Variants in SLC36A2 observed in about 807,000 individuals in gnomAD.
The protein encoded by SLC36A2 is proton-coupled amino acid transporter 2.
A neutral mutation model predicts 42.7 loss-of-function variants in SLC36A2; 39 were observed. The observed-to-expected ratio is 0.91, with a 90% CI of 0.71 to 1.19. The LOEUF (loss-of-function observed/expected upper bound fraction) is 1.19. Ranked by LOEUF, SLC36A2 falls within the 50% of genes most tolerant of loss-of-function variation. The pLI is 0.00. For missense variants in SLC36A2, 590 were observed against 613.7 expected, an observed-to-expected ratio of 0.96 and a Z score of 0.41; for synonymous variants, 237 against 240.8, an observed-to-expected ratio of 0.98 and a Z score of 0.15.
chr5:151,343,027 C>G, intron 3 of SLC36A2, 44 bp from the exon 4 acceptor site: 1 of 1,490,224 alleles, frequency 6.7e-7, no homozygotes, highest in Non-Finnish European at 9.4e-7. Context: ...GATAGTTTAG[C>G]CTAAACTCAC....
intron 5 of SLC36A2, 132 bp downstream of exon 5, chr5:151,338,928 T>G: frequency 1.4e-6 from 1 of 718,802 alleles, no homozygotes; most frequent in Middle Eastern, 2.5e-4. Context: ...GGGAGGCAAG[T>G]TTGACAACAT....
rs749271934 is a variant in SLC36A2 at position 151,344,183 on chromosome 5, G to A, written c.249C>T (p.Gly83=). ...CATGTGGCGCCTCTCTTACCAGGATGCCCGCGTTCTTCACAGCGAGGGGTA... is the reference window on the plus strand; with the variant it reads ...CATGTGGCGCCTCTCTTACCAGGATACCCGCGTTCTTCACAGCGAGGGGTA... ...LGLPLAVKNA[G]ILMGPLSLLV... is the part of the protein sequence containing the mutation. The change falls in exon 2 of 10, where the codon GGC becomes GGT. Residue 83 remains glycine (G), a synonymous_variant. Coordinates refer to ENST00000335244, the MANE Select transcript of SLC36A2 (RefSeq NM_181776.3). 11 of 1,613,944 alleles carry A rather than the reference G, an allele frequency of 6.8e-6. No homozygotes were observed. The highest frequency in any genetic ancestry group is 2.2e-5 in the South Asian group (2 of 90,996).
At chr5:151,332,001 G>C (rs529284235) in intron 7 of SLC36A2, among the ~76,000 whole-genome samples, 1 of 151,952 alleles carries the variant, frequency 6.6e-6, no homozygotes, top group African/African-American at 2.4e-5. Flanking sequence ...TGAGTATCTG[G>C]GATTACAGGT....
At position 151,315,091 on chromosome 5, in the gene SLC36A2, T is replaced by G. The variant is rs1027594541; in HGVS notation, c.*1726A>C. 8 of 152,706 alleles carry G rather than the reference T, an allele frequency of 5.2e-5. No homozygotes were observed. Among genetic ancestry groups the G allele is most frequent in the African/African-American group, 1.9e-4 (8 of 41,452 alleles). The allele number at this position is 152,706 out of a possible 1,614,324, so 9.5% of individuals were successfully genotyped here. ...TGGATATAGTCTAGGATGGCTTTAC[T>G]CGTGTCTGGAAGTTGGTAGGCTGGT... On this transcript the variant is annotated 3_prime_UTR_variant, in exon 10 of 10. Coordinates refer to ENST00000335244, the MANE Select transcript of SLC36A2 (RefSeq NM_181776.3).
At position 151,347,504 on chromosome 5, in the gene SLC36A2, C is replaced by T. The variant is rs750896337; in HGVS notation, c.-44G>A. 6.2e-7 allele frequency: 1 copy of T among 1,609,702 alleles called. No individual in the cohort carries two copies. Among genetic ancestry groups the T allele is most frequent in the Admixed American group, 1.7e-5 (1 of 60,010 alleles). ...GAGCTCGGGGTGACAAAGAGGTCTG[C>T]TCTGGAAGGAGGGAAGCAGGAAGGT... On this transcript the variant is annotated 5_prime_UTR_variant, in exon 1 of 10. Coordinates refer to ENST00000335244, the MANE Select transcript of SLC36A2 (RefSeq NM_181776.3).
intron 2 of SLC36A2, among the ~76,000 whole-genome samples, chr5:151,343,945 T>C (rs1756421000): frequency 6.6e-6 from 1 of 152,084 alleles, no homozygotes; most frequent in Non-Finnish European, 1.5e-5. Context: ...ATCCTTGCAT[T>C]CTACAGGGGA....
chr5:151,347,278 G>A lies in SLC36A2; in HGVS notation c.164+19C>T. 6.2e-7 allele frequency: 1 copy of A among 1,613,976 alleles called. No homozygotes were observed. The highest frequency in any genetic ancestry group is 1.1e-5 in the South Asian group (1 of 91,042). ...CAGGCTAGAAAGCAGAAATAGGGAT[G>A]GCAGAAAACAGCACTCACGTTATGC... On this transcript the variant is annotated intron_variant, in intron 1 of 9. Coordinates refer to ENST00000335244, the MANE Select transcript of SLC36A2 (RefSeq NM_181776.3).
intron 8 of SLC36A2, among the ~76,000 whole-genome samples, chr5:151,324,507 TTATTAG>T (rs1755796257): frequency 6.6e-6 from 1 of 152,078 alleles, no homozygotes; most frequent in African/African-American, 2.4e-5. Flanking sequence ...TAATTTTGTA[TTATTAG>T]TAGAGACGAG....
At chr5:151,336,831 A>G (rs972306231) in intron 5 of SLC36A2, among the ~76,000 whole-genome samples, 2 of 152,142 alleles carry the variant, frequency 1.3e-5, no homozygotes, top group African/African-American at 2.4e-5. Flanking sequence ...ACGATTAGGA[A>G]CTAGAGTTCA....
intron 5 of SLC36A2, 45 bp downstream of exon 5, chr5:151,339,015 T>C: frequency 1.4e-6 from 2 of 1,399,182 alleles, no homozygotes; most frequent in South Asian, 1.2e-5. Flanking sequence ...CAGTGGCGTG[T>C]CCTTGTCCAT....
Position 151,316,886 on chromosome 5 carries a change from C to T in SLC36A2, c.1383G>A (p.Gln461=), listed in dbSNP as rs369907. The change falls in exon 10 of 10, where the codon CAG becomes CAA. Residue 461 remains glutamine (Q), a synonymous_variant. Transcript: ENST00000335244. Reference sequence around the variant, plus strand: ...CTGACTTGAGCAGCTCGTCCAGGGCCTGGTAGGTCCCCACCACAAAGCCCA... The same window carrying T: ...CTGACTTGAGCAGCTCGTCCAGGGCTTGGTAGGTCCCCACCACAAAGCCCA... ...GFVGFVVGTY[Q]ALDELLKSED... 0.56 allele frequency: 905,291 copies of T among 1,613,812 alleles called. 260,098 individuals carry two copies. Among genetic ancestry groups the T allele is most frequent in the East Asian group, 0.88 (39,595 of 44,880 alleles).
At chr5:151,335,879 T>A (rs907545222) in intron 5 of SLC36A2, among the ~76,000 whole-genome samples, 2 of 151,904 alleles carry the variant, frequency 1.3e-5, no homozygotes, top group Non-Finnish European at 2.9e-5. Flanking sequence ...AATACAAAAA[T>A]TAGCCAGGTG....
intron 7 of SLC36A2, chr5:151,332,385 A>G (rs1332639593): frequency 2.2e-6 from 1 of 455,524 alleles, no homozygotes; most frequent in East Asian, 6.9e-5. Flanking sequence ...CAACAAGCAA[A>G]TGAAAAGATG....
rs530044342 is a variant in SLC36A2 at position 151,341,986 on chromosome 5, T to C, written c.440+902A>G. On this transcript the variant is annotated intron_variant, in intron 4 of 9. Coordinates refer to ENST00000335244, the MANE Select transcript of SLC36A2 (RefSeq NM_181776.3). ...CTTGGTCCCAGCTACCATTGTGACCTGGCTGGGTACTGTTAATAGCCCCCT... is the reference window on the plus strand; with the variant it reads ...CTTGGTCCCAGCTACCATTGTGACCCGGCTGGGTACTGTTAATAGCCCCCT... Among the ~76,000 whole-genome samples, 4 of 152,350 alleles carry C rather than the reference T, an allele frequency of 2.6e-5. No homozygotes were observed. In the South Asian group the frequency reaches 8.3e-4, roughly 32 times the overall value.
At chr5:151,318,066 C>A (rs1278616248) in intron 9 of SLC36A2, among the ~76,000 whole-genome samples, 1 of 152,176 alleles carries the variant, frequency 6.6e-6, no homozygotes, top group Non-Finnish European at 1.5e-5. Context: ...TTTTCTGGCT[C>A]TAAACTTCCC....
At position 151,340,177 on chromosome 5, in the gene SLC36A2, G is replaced by GGAAGAAGAGGAAGAAGGAGGAGGAGGA. The variant is rs1561660867; in HGVS notation, c.441-1034_441-1033insTCCTCCTCCTCCTTCTTCCTCTTCTTC. ...GGAGGAGGAAGAAGAGGAAGGAGGA[G>GGAAGAAGAGGAAGAAGGAGGAGGAGGA]GAGGAGGAAGAGGTGGAGGAGGAGG... On this transcript the variant is annotated intron_variant, in intron 4 of 9. Coordinates refer to ENST00000335244, the MANE Select transcript of SLC36A2 (RefSeq NM_181776.3). Among the ~76,000 whole-genome samples, 491 of 109,010 alleles carry GGAAGAAGAGGAAGAAGGAGGAGGAGGA rather than the reference G, an allele frequency of 4.5e-3. 17 individuals are homozygous for GGAAGAAGAGGAAGAAGGAGGAGGAGGA. The highest frequency in any genetic ancestry group is 5.3e-3 in the Non-Finnish European group (326 of 61,222). 71.5% of individuals were successfully genotyped at this position (109,010 alleles called of 152,430 possible). A position where few individuals can be genotyped will look rare whatever the true frequency, so the allele number is the denominator to read the frequency against.
In SLC36A2 at chr5:151,333,160, C is replaced by T. The variant is rs1756043500; in HGVS notation, c.843+64G>A. ...GCGGGACACAGAAACCCAGAGCTCA[C>T]AGTTCCTTTCTAGAAGGTCACTCAC... On this transcript the variant is annotated intron_variant, in intron 7 of 9. Coordinates refer to ENST00000335244, the MANE Select transcript of SLC36A2 (RefSeq NM_181776.3). 7 of 1,417,702 alleles carry T rather than the reference C, an allele frequency of 4.9e-6. No individual in the cohort carries two copies. The South Asian group carries it at 8.1e-5, about 16-fold the overall frequency. 87.8% of individuals were successfully genotyped at this position (1,417,702 alleles called of 1,614,324 possible).
Position 151,317,325 on chromosome 5 carries a change from G to A in SLC36A2, c.1181-237C>T, listed in dbSNP as rs144786968. On this transcript the variant is annotated intron_variant, in intron 9 of 9. Coordinates refer to ENST00000335244, the MANE Select transcript of SLC36A2 (RefSeq NM_181776.3). Reference sequence around the variant, plus strand: ...AAATCAGCCGGGTGTGGTAGTGGGTGCCTATAATCTCAGCTACTCAGGAGG... The same window carrying A: ...AAATCAGCCGGGTGTGGTAGTGGGTACCTATAATCTCAGCTACTCAGGAGG... Among the ~76,000 whole-genome samples the A allele has an allele frequency of 3.7e-3, 563 of 151,948 alleles. 7 individuals are homozygous for A. Among genetic ancestry groups the A allele is most frequent in the African/African-American group, 0.013 (528 of 41,408 alleles).
At chr5:151,337,258 T>A (rs548679790) in intron 5 of SLC36A2, among the ~76,000 whole-genome samples, 1 of 152,264 alleles carries the variant, frequency 6.6e-6, no homozygotes, top group African/African-American at 2.4e-5. Flanking sequence ...TTTTCACTGA[T>A]TCCTTCTCCC....
Sources: gnomAD v4.1 joint callset for allele counts (sites outside exome capture counted in the v4.1 genomes callset) on GRCh38, gnomAD v4.1.1 for gene constraint, MANE v1.5 for transcripts, NCBI Gene and HGNC (gene_info 2026-07-23, HGNC 2026-07-21) for gene names.